Variants in GRIA3 observed in about 807,000 individuals in gnomAD.
GRIA3 encodes glutamate ionotropic receptor AMPA type subunit 3, also known as glutamate receptor 3.
A neutral mutation model predicts 63.0 loss-of-function variants in GRIA3; 3 were observed. The ratio of observed to expected loss-of-function variants is 0.05; its 90% CI spans 0.02 to 0.12. The LOEUF (loss-of-function observed/expected upper bound fraction) is 0.12. Ranked by LOEUF, GRIA3 falls within the 10% of genes least tolerant of loss-of-function variation. GRIA3 has a pLI of 1.00. For synonymous variants in GRIA3, 274 were observed against 257.9 expected, an observed-to-expected ratio of 1.06 and a Z score of -0.60; for missense variants, 347 against 700.9, an observed-to-expected ratio of 0.50 and a Z score of 5.70.
At chrX:123,398,523 G>C (rs747595750) in intron 6 of GRIA3, 113 bp from the exon 7 acceptor site, 374 of 570,480 alleles carry the variant, frequency 6.6e-4, no homozygotes, top group Non-Finnish European at 8.0e-4. Context: ...TAAATAAATA[G>C]GGGGGTGACT....
chrX:123,360,471 A>G (rs1440357878), intron 5 of GRIA3, among the ~76,000 whole-genome samples: 2 of 100,180 alleles, frequency 2.0e-5, no homozygotes, highest in Non-Finnish European at 4.0e-5. Flanking sequence ...TCACGAGGTC[A>G]GCAGTTCAAG....
At chrX:123,312,377 G>A (rs1482008806) in intron 3 of GRIA3, among the ~76,000 whole-genome samples, 1 of 112,015 alleles carries the variant, frequency 8.9e-6, no homozygotes, top group African/African-American at 3.2e-5. Flanking sequence ...TCAGTGATAC[G>A]TATTTTAAGG....
chrX:123,226,633 T>C (rs893461743), intron 2 of GRIA3, among the ~76,000 whole-genome samples: 13 of 111,538 alleles, frequency 1.2e-4, no homozygotes, highest in Non-Finnish European at 2.4e-4. Context: ...AGACCAGCAC[T>C]TTTTACTTCA....
At position 123,195,368 on chromosome X, in the gene GRIA3, G is replaced by T. The variant is rs559728158; in HGVS notation, c.268+9378G>T. On this transcript the variant is annotated intron_variant, in intron 2 of 15. Transcript: ENST00000620443. ...AGAGGAATGATAGGTGGTTCAAAAT[G>T]CATAAGCAACTAGCTCAAGGTCCCA... Among the ~76,000 whole-genome samples the T allele has an allele frequency of 1.2e-3, 130 of 112,335 alleles. 3 individuals are homozygous for T. In the South Asian group the frequency reaches 0.047, roughly 41 times the overall value.
At chrX:123,319,993 A>G (rs1039380819) in intron 3 of GRIA3, among the ~76,000 whole-genome samples, 1 of 111,989 alleles carries the variant, frequency 8.9e-6, no homozygotes, top group Non-Finnish European at 1.9e-5. Flanking sequence ...GCTCCAGAGT[A>G]AGCCTTGGCC....
At chrX:123,371,018 G>C (rs1029200205) in intron 5 of GRIA3, among the ~76,000 whole-genome samples, 20 of 107,433 alleles carry the variant, frequency 1.9e-4, no homozygotes, top group Admixed American at 1.8e-3. Flanking sequence ...AATCATCCTT[G>C]TCTTCCTCCC....
Position 123,251,118 on chromosome X carries a change from T to G in GRIA3, c.269-2185T>G, listed in dbSNP as rs1603048463. On this transcript the variant is annotated intron_variant, in intron 2 of 15. Transcript: ENST00000620443. The stretch of plus-strand genomic sequence containing the variant: ...AGAATATTAAATGAAAAAATATTTG[T>G]ACAGTAGTTAGTATAGTGCCTGGCT... 2.7e-5 allele frequency among the ~76,000 whole-genome samples: 3 copies of G among 112,245 alleles called. No homozygotes were observed. The Admixed American group carries it at 2.8e-4, about 11-fold the overall frequency.
In GRIA3 at chrX:123,441,169, T is replaced by C. The variant is rs185088969; in HGVS notation, c.2076+13030T>C. Among the ~76,000 whole-genome samples, 180 of 112,096 alleles carry C rather than the reference T, an allele frequency of 1.6e-3. 1 individual carries two copies. The highest frequency in any genetic ancestry group is 5.6e-3 in the African/African-American group (174 of 30,924). ...GTTCAAGGGGGATGTGAGAATATTT[T>C]TGTGGCCAAGAAAGAAAAACAATGA... On this transcript the variant is annotated intron_variant, in intron 12 of 15. Coordinates refer to ENST00000620443, the MANE Select transcript of GRIA3 (RefSeq NM_007325.5).
rs183819365 is a variant in GRIA3, at chrX:123,300,132, T to C, written c.509-25894T>C. 1.4e-3 allele frequency among the ~76,000 whole-genome samples: 159 copies of C among 110,491 alleles called. 1 individual carries two copies. The highest frequency in any genetic ancestry group is 5.0e-3 in the African/African-American group (153 of 30,459). On this transcript the variant is annotated intron_variant, in intron 3 of 15. Coordinates refer to ENST00000620443, the MANE Select transcript of GRIA3 (RefSeq NM_007325.5). ...TGTGCTGCTGGATTCGGTTTGCTAG[T>C]ATTTTGTTGAGGATTTTGCACGTAT... is the stretch of plus-strand genomic sequence containing the variant.
At chrX:123,238,641 G>T (rs757358268) in intron 2 of GRIA3, among the ~76,000 whole-genome samples, 1 of 111,873 alleles carries the variant, frequency 8.9e-6, no homozygotes, top group Non-Finnish European at 1.9e-5. Context: ...TTAATGCTAG[G>T]TCATGACTCA....
At chrX:123,221,342 A>G (rs901087465) in intron 2 of GRIA3, among the ~76,000 whole-genome samples, 2 of 112,200 alleles carry the variant, frequency 1.8e-5, no homozygotes, top group Admixed American at 9.4e-5. Flanking sequence ...ACAACTCCTC[A>G]CGTTAAAATG....
chrX:123,473,228 T>G (rs1253442923), intron 13 of GRIA3, among the ~76,000 whole-genome samples: 7 of 112,255 alleles, frequency 6.2e-5, no homozygotes, highest in Non-Finnish European at 1.3e-4. Context: ...GGATAGAGAT[T>G]TGTTTTAAAG....
chrX:123,327,833 A>C (rs1417431208), intron 4 of GRIA3, among the ~76,000 whole-genome samples: 26 of 95,211 alleles, frequency 2.7e-4, no homozygotes, highest in African/African-American at 9.2e-4. Context: ...CTTCCCCCCC[A>C]CAAAAAAAAA....
At chrX:123,212,080 T>C (rs918705712) in intron 2 of GRIA3, among the ~76,000 whole-genome samples, 6 of 112,082 alleles carry the variant, frequency 5.4e-5, no homozygotes, top group African/African-American at 1.9e-4. Flanking sequence ...AAATATATTG[T>C]GTATGAAGTT....
At chrX:123,473,528 T>C (rs1419374815) in intron 13 of GRIA3, among the ~76,000 whole-genome samples, 1 of 111,822 alleles carries the variant, frequency 8.9e-6, no homozygotes, top group East Asian at 2.8e-4. Context: ...TTCCAGAGAA[T>C]GCTAGAGAAG....
At chrX:123,309,358 C>A (rs1445332673) in intron 3 of GRIA3, among the ~76,000 whole-genome samples, 1 of 91,118 alleles carries the variant, frequency 1.1e-5, no homozygotes, top group African/African-American at 4.7e-5. Context: ...CAGAGAGATA[C>A]TCTGGAAAAA....
chrX:123,364,960 G>A (rs986131280), intron 5 of GRIA3, among the ~76,000 whole-genome samples: 1 of 112,259 alleles, frequency 8.9e-6, no homozygotes, highest in Admixed American at 9.4e-5. Context: ...CCAGAGGCTA[G>A]GGGGTGAGGA....
At position 123,404,776 on chromosome X, in the gene GRIA3, T is replaced by C. The variant is rs905566965; in HGVS notation, c.1362T>C (p.Tyr454=). 3 of 1,199,039 alleles carry C rather than the reference T, an allele frequency of 2.5e-6. No individual in the cohort carries two copies. Among genetic ancestry groups the C allele is most frequent in the East Asian group, 3.0e-5 (1 of 33,787 alleles). ...AAGGAAATGAACGATATGAAGGCTA[T>C]TGTGTAGACCTAGCCTATGAAATAG... ...QLEGNERYEG[Y]CVDLAYEIAK... The change falls in exon 10 of 16, where the codon TAT becomes TAC. Residue 454 remains tyrosine, a synonymous_variant. Coordinates refer to ENST00000620443, the MANE Select transcript of GRIA3 (RefSeq NM_007325.5).
chrX:123,295,401 C>A (rs1239235487), intron 3 of GRIA3, among the ~76,000 whole-genome samples: 1 of 111,624 alleles, frequency 9.0e-6, no homozygotes, highest in African/African-American at 3.2e-5. Flanking sequence ...AAGCATTCTG[C>A]ATATTTTATA....
Sources: gnomAD v4.1 joint callset for allele counts (sites outside exome capture counted in the v4.1 genomes callset) on GRCh38, gnomAD v4.1.1 for gene constraint, MANE v1.5 for transcripts, NCBI Gene and HGNC (gene_info 2026-07-23, HGNC 2026-07-21) for gene names.